R3HDM2: variants seen among roughly 807,000 people sequenced by gnomAD.
The protein encoded by R3HDM2 is R3H domain-containing protein 2.
In R3HDM2, 38 loss-of-function variants were observed where a neutral mutation model predicts 124.5. The observed-to-expected ratio is 0.31, with a 90% CI of 0.24 to 0.40. The LOEUF (loss-of-function observed/expected upper bound fraction) is 0.40, where lower values mean the gene tolerates loss of function less well. Among genes scored for constraint, R3HDM2 ranks in the 10% least tolerant of loss-of-function variants. R3HDM2 has a pLI of 1.00. For missense variants in R3HDM2, 869 were observed against 1,236.9 expected (o/e 0.70, Z 4.46); for synonymous variants, 391 against 448.0 (o/e 0.87, Z 1.61).
chr12:57,296,634 TAAAGTGG>T lies in R3HDM2; in HGVS notation c.561-90_561-84del. ...AATTTTAATTTTTCTTACAAGTGTC[TAAAGTGG>T]AAAGTTTCTTAGGAGAAATAGACAT... On this transcript the variant is annotated intron_variant, in intron 8 of 23. Coordinates refer to ENST00000402412, the MANE Select transcript of R3HDM2 (RefSeq NM_001394031.1). The surrounding 1 kb of genome is among the most constrained non-coding windows in gnomAD (Gnocchi z 4.5). 7.2e-7 allele frequency: 1 copy of T among 1,397,592 alleles called. No individual in the cohort carries two copies. The highest frequency in any genetic ancestry group is 9.7e-7 in the Non-Finnish European group (1 of 1,027,840). 86.6% of individuals were successfully genotyped at this position (1,397,592 alleles called of 1,614,324 possible).
At chr12:57,342,312 C>T (rs1433437891) in intron 2 of R3HDM2, among the ~76,000 whole-genome samples, 1 of 152,044 alleles carries the variant, frequency 6.6e-6, no homozygotes, top group African/African-American at 2.4e-5. Context: ...AGCCCTCTCC[C>T]GCCCCCTTCA....
At chr12:57,272,331 T>A in intron 14 of R3HDM2, 1 of 819,276 alleles carries the variant, frequency 1.2e-6, no homozygotes, top group South Asian at 1.5e-5. Flanking sequence ...CAAGAAGAAA[T>A]AGCTTTCAAT....
At chr12:57,394,387 T>C (rs1002991057) in intron 2 of R3HDM2, among the ~76,000 whole-genome samples, 1 of 151,442 alleles carries the variant, frequency 6.6e-6, no homozygotes, top group African/African-American at 2.4e-5. Flanking sequence ...GGTGGGCAGA[T>C]CATTTGAGGT....
chr12:57,349,811 C>T (rs1425153024), intron 2 of R3HDM2, among the ~76,000 whole-genome samples: 1 of 152,152 alleles, frequency 6.6e-6, no homozygotes, highest in African/African-American at 2.4e-5. Flanking sequence ...CCACCTGCCT[C>T]AGCCCGTCGA....
chr12:57,301,192 C>A (rs1170135718), intron 4 of R3HDM2, among the ~76,000 whole-genome samples: 1 of 151,920 alleles, frequency 6.6e-6, no homozygotes, highest in Non-Finnish European at 1.5e-5. Context: ...TGCAATAAAA[C>A]CTAATCTGCC....
intron 2 of R3HDM2, among the ~76,000 whole-genome samples, chr12:57,355,145 G>A (rs1234183094): frequency 6.6e-6 from 1 of 151,690 alleles, no homozygotes; most frequent in Non-Finnish European, 1.5e-5. Context: ...TTTAGTATAC[G>A]GTTTATCCAA....
intron 2 of R3HDM2, among the ~76,000 whole-genome samples, chr12:57,363,209 G>A (rs181556441): frequency 2.0e-5 from 3 of 152,192 alleles, no homozygotes; most frequent in East Asian, 1.9e-4. Flanking sequence ...TCTGATGGTG[G>A]TGAATTCTAT....
chr12:57,317,719 G>T (rs967058451), intron 2 of R3HDM2, among the ~76,000 whole-genome samples: 1 of 151,114 alleles, frequency 6.6e-6, no homozygotes, highest in African/African-American at 2.4e-5. Flanking sequence ...GGGCCAGGCC[G>T]GGTGGCTCGC....
chr12:57,385,034 C>T (rs1206293367), intron 2 of R3HDM2, among the ~76,000 whole-genome samples: 1 of 151,828 alleles, frequency 6.6e-6, no homozygotes, highest in Non-Finnish European at 1.5e-5. Context: ...GTAATCCCAG[C>T]TACTCAGGAG....
At chr12:57,413,929 T>G (rs2069277576) in intron 1 of R3HDM2, among the ~76,000 whole-genome samples, 1 of 135,026 alleles carries the variant, frequency 7.4e-6, no homozygotes, top group African/African-American at 2.8e-5. Context: ...CACTGCAACC[T>G]CCGCCTCCCA....
At chr12:57,386,663 G>A (rs961689291) in intron 2 of R3HDM2, among the ~76,000 whole-genome samples, 1 of 152,248 alleles carries the variant, frequency 6.6e-6, no homozygotes, top group Non-Finnish European at 1.5e-5. Flanking sequence ...GGCCCACTGT[G>A]CAGGACTCGC....
intron 19 of R3HDM2, among the ~76,000 whole-genome samples, chr12:57,264,755 C>T (rs1326656719): frequency 1.3e-5 from 2 of 151,932 alleles, no homozygotes; most frequent in Non-Finnish European, 2.9e-5. Context: ...GCCTCAGCCT[C>T]TCAAGTAGCT....
chr12:57,429,627 G>A (rs937797001), intron 1 of R3HDM2, among the ~76,000 whole-genome samples: 2 of 151,616 alleles, frequency 1.3e-5, no homozygotes, highest in Non-Finnish European at 2.9e-5. Context: ...GTAGGAGGAC[G>A]GCTTGAGGCC....
At chr12:57,422,222 T>C (rs2070289762) in intron 1 of R3HDM2, among the ~76,000 whole-genome samples, 1 of 151,942 alleles carries the variant, frequency 6.6e-6, no homozygotes, top group Non-Finnish European at 1.5e-5. Context: ...AATTCCAGTC[T>C]ATTTTCCAAT....
intron 2 of R3HDM2, among the ~76,000 whole-genome samples, chr12:57,324,310 A>G (rs1033197381): frequency 6.6e-6 from 1 of 152,178 alleles, no homozygotes; most frequent in South Asian, 2.1e-4. Context: ...CAGCCTCCCC[A>G]GTAGCTGGGA....
chr12:57,382,996 G>A (rs2065127970), intron 2 of R3HDM2, among the ~76,000 whole-genome samples: 1 of 151,900 alleles, frequency 6.6e-6, no homozygotes, highest in South Asian at 2.1e-4. Context: ...CAATTCTCAT[G>A]CCTCAGCCTC....
At chr12:57,381,159 A>G (rs1383659016) in intron 2 of R3HDM2, among the ~76,000 whole-genome samples, 1 of 152,124 alleles carries the variant, frequency 6.6e-6, no homozygotes, top group Non-Finnish European at 1.5e-5. Context: ...TGAACCCGGG[A>G]GGCAGAGGTT....
rs1290662361 is a variant in R3HDM2, at chr12:57,299,439, C to G, written c.334G>C (p.Glu112Gln). 2.1e-5 allele frequency: 33 copies of G among 1,545,018 alleles called. No homozygotes were observed. Among genetic ancestry groups the G allele is most frequent in the Non-Finnish European group, 2.7e-5 (31 of 1,140,968 alleles). Reference protein sequence around the residue: ...QLHISCPSDKEEEKSTKDVSE... With the variant: ...QLHISCPSDKQEEKSTKDVSE... ...ACATCTTTTGTGGACTTTTCTTCCT[C>G]CTTGTCAGAAGGGCAACTGATGTGC... The change falls in exon 6 of 24, where the codon GAG (glutamate) becomes CAG (glutamine). Residue 112 changes from glutamate (E) to glutamine (Q), a missense_variant. Physicochemically the swap from Glu to Gln is conservative, Grantham distance 29. Around this residue, in one of 2 missense-constraint regions of R3HDM2, gnomAD observed 267 missense variants for 447.7 expected, o/e 0.60. Coordinates refer to ENST00000402412, the MANE Select transcript of R3HDM2 (RefSeq NM_001394031.1).
intron 2 of R3HDM2, among the ~76,000 whole-genome samples, chr12:57,360,047 ATTTTT>A (rs57288626): frequency 0.027 from 3,011 of 113,332 alleles, 53 homozygotes; most frequent in Middle Eastern, 0.037. Context: ...ATATATATAT[ATTTTT>A]TTTTTTTTTT....
Sources: gnomAD v4.1 joint callset for allele counts (sites outside exome capture counted in the v4.1 genomes callset) on GRCh38, gnomAD v4.1.1 for gene constraint, gnomAD v4.1.1 regional missense constraint, Gnocchi (gnomAD v3.1) non-coding constraint, MANE v1.5 for transcripts, NCBI Gene and HGNC (gene_info 2026-07-23, HGNC 2026-07-21) for gene names.